Variants in MAP3K2 observed in about 807,000 individuals in gnomAD.
MAP3K2 encodes MAP/ERK kinase kinase 2.
A neutral mutation model predicts 80.3 loss-of-function variants in MAP3K2; 24 were observed. The observed-to-expected ratio is 0.30, with a 90% CI of 0.22 to 0.42. The LOEUF is 0.42. Ranked by LOEUF, MAP3K2 falls within the 10% of genes least tolerant of loss-of-function variation. MAP3K2 has a pLI of 1.00. For missense variants in MAP3K2, 608 were observed against 750.1 expected (o/e 0.81, Z 2.21); for synonymous variants, 244 against 253.7 (o/e 0.96, Z 0.36).
At position 127,307,912 on chromosome 2, in the gene MAP3K2, CTT is replaced by C. The variant is rs1685733327; in HGVS notation, c.1635-110_1635-109del. ...TAAGTCCATATATATTTAAATATGACTTAATTTCAAGTTCAAAGTTTCATTAA... is the reference window on the plus strand; with the variant it reads ...TAAGTCCATATATATTTAAATATGACAATTTCAAGTTCAAAGTTTCATTAA... On this transcript the variant is annotated intron_variant, in intron 16 of 16. Coordinates refer to ENST00000682094, the MANE Select transcript of MAP3K2 (RefSeq NM_001371910.2). The surrounding 1 kb of genome is among the most constrained non-coding windows in gnomAD (Gnocchi z 5.4). 4.6e-6 allele frequency: 3 copies of C among 651,478 alleles called. No homozygotes were observed. The highest frequency in any genetic ancestry group is 1.8e-5 in the African/African-American group (1 of 55,106). The allele number at this position is 651,478 out of a possible 1,614,324, so 40.4% of individuals were successfully genotyped here. A position where few individuals can be genotyped will look rare whatever the true frequency, so the allele number is the denominator to read the frequency against.
At chr2:127,328,332 A>T (rs909436385) in intron 7 of MAP3K2, among the ~76,000 whole-genome samples, 4 of 152,232 alleles carry the variant, frequency 2.6e-5, no homozygotes, top group African/African-American at 9.6e-5. Context: ...AAGTACCGTA[A>T]TGTGATAAGA....
intron 1 of MAP3K2, among the ~76,000 whole-genome samples, chr2:127,380,115 T>C (rs928065115): frequency 6.6e-6 from 1 of 152,204 alleles, no homozygotes; most frequent in Non-Finnish European, 1.5e-5. Context: ...CATCACCTTT[T>C]AAGTAATCTT....
At chr2:127,332,195 CA>C (rs1686272992) in intron 5 of MAP3K2, among the ~76,000 whole-genome samples, 1 of 152,192 alleles carries the variant, frequency 6.6e-6, no homozygotes. Context: ...AATTATGAAA[CA>C]TATTGGTATA....
At chr2:127,349,024 G>C (rs1686644889) in intron 1 of MAP3K2, among the ~76,000 whole-genome samples, 1 of 152,112 alleles carries the variant, frequency 6.6e-6, no homozygotes, top group Non-Finnish European at 1.5e-5. Flanking sequence ...CTGCCATTTT[G>C]TAAGCACTGA....
chr2:127,306,125 CAGT>C lies in MAP3K2; in HGVS notation c.*1451_*1453del, dbSNP rs1377033837. On this transcript the variant is annotated 3_prime_UTR_variant, in exon 17 of 17. Coordinates refer to ENST00000682094, the MANE Select transcript of MAP3K2 (RefSeq NM_001371910.2). The surrounding 1 kb of genome is among the most constrained non-coding windows in gnomAD (Gnocchi z 4.7). ...ATTATTCACCCTTGACTTAAAGCAG[CAGT>C]ATCTGATCTTGTAAAATCCTCAATT... 1 of 152,130 alleles carries C rather than the reference CAGT, an allele frequency of 6.6e-6. No homozygotes were observed. Among genetic ancestry groups the C allele is most frequent in the Non-Finnish European group, 1.5e-5 (1 of 68,004 alleles). 9.4% of individuals were successfully genotyped at this position (152,130 alleles called of 1,614,324 possible).
intron 1 of MAP3K2, 79 bp from the exon 2 acceptor site, chr2:127,343,273 T>A: frequency 3.3e-6 from 2 of 605,172 alleles, no homozygotes; most frequent in Non-Finnish European, 5.9e-6. Context: ...AAAGTCAGTT[T>A]AAATAATACT....
intron 11 of MAP3K2, among the ~76,000 whole-genome samples, chr2:127,323,620 GA>G (rs1206767239): frequency 3.9e-5 from 6 of 151,986 alleles, no homozygotes; most frequent in Non-Finnish European, 7.4e-5. Context: ...TTGAGCCCAG[GA>G]ATTTAAAGTT....
intron 14 of MAP3K2, among the ~76,000 whole-genome samples, chr2:127,317,283 T>G (rs1381669288): frequency 6.6e-6 from 1 of 152,122 alleles, no homozygotes; most frequent in Non-Finnish European, 1.5e-5. Flanking sequence ...AAAAATTGTT[T>G]AAGAAGAGAG....
In MAP3K2 at chr2:127,387,635, CTT is replaced by C. The variant is rs1687394584; in HGVS notation, c.-251_-250del. ...GGGCCTTGGGGCCAGGCCCGTCCCT[CTT>C]TCACATGAAGCCCGGGCCGGGCGGG... On this transcript the variant is annotated 5_prime_UTR_variant, in exon 1 of 17. Transcript: ENST00000682094. The C allele has an allele frequency of 1.0e-6, 1 of 984,950 alleles. No homozygotes were observed. Among genetic ancestry groups the C allele is most frequent in the African/African-American group, 1.7e-5 (1 of 57,174 alleles). The allele number at this position is 984,950 out of a possible 1,614,324, so 61.0% of individuals were successfully genotyped here. A position where few individuals can be genotyped will look rare whatever the true frequency, so the allele number is the denominator to read the frequency against.
intron 1 of MAP3K2, among the ~76,000 whole-genome samples, chr2:127,381,029 CCTT>C (rs1411127974): frequency 6.6e-6 from 1 of 152,182 alleles, no homozygotes; most frequent in East Asian, 1.9e-4. Context: ...AAAAATTTAT[CCTT>C]CTTTTTTTCC....
intron 15 of MAP3K2, among the ~76,000 whole-genome samples, chr2:127,314,471 A>G (rs1685863579): frequency 6.6e-6 from 1 of 152,164 alleles, no homozygotes; most frequent in Non-Finnish European, 1.5e-5. Flanking sequence ...CTCTTAGCCA[A>G]TCTATCCTAA....
intron 3 of MAP3K2, among the ~76,000 whole-genome samples, chr2:127,338,115 T>C (rs139750852): frequency 1.3e-5 from 2 of 152,308 alleles, no homozygotes; most frequent in African/African-American, 4.8e-5. Flanking sequence ...ACTAATTTCA[T>C]TTATCAGAAT....
At chr2:127,376,535 A>G (rs903147920) in intron 1 of MAP3K2, among the ~76,000 whole-genome samples, 5 of 152,164 alleles carry the variant, frequency 3.3e-5, no homozygotes, top group African/African-American at 9.7e-5. Context: ...TTGTTCATCC[A>G]TCATTCAGCC....
chr2:127,386,458 A>G (rs1687348710), intron 1 of MAP3K2, among the ~76,000 whole-genome samples: 4 of 152,260 alleles, frequency 2.6e-5, no homozygotes, highest in Admixed American at 2.6e-4. Flanking sequence ...ATTGCCACAT[A>G]ATCCAGCAAC....
At chr2:127,369,899 G>C (rs1261107193) in intron 1 of MAP3K2, among the ~76,000 whole-genome samples, 1 of 152,146 alleles carries the variant, frequency 6.6e-6, no homozygotes, top group African/African-American at 2.4e-5. Context: ...CAGGGTGGTG[G>C]GAAAAATTGT....
intron 1 of MAP3K2, among the ~76,000 whole-genome samples, chr2:127,382,360 G>T (rs1208944530): frequency 1.3e-5 from 2 of 151,942 alleles, no homozygotes; most frequent in African/African-American, 4.8e-5. Context: ...TCATTTTATT[G>T]AGCTTCATTT....
At chr2:127,333,229 T>A (rs1686294063) in intron 5 of MAP3K2, among the ~76,000 whole-genome samples, 1 of 149,044 alleles carries the variant, frequency 6.7e-6, no homozygotes, top group South Asian at 2.1e-4. Flanking sequence ...CCAACCCCCA[T>A]GACACACACA....
Position 127,334,642 on chromosome 2 carries a change from C to T in MAP3K2, c.264+1228G>A, listed in dbSNP as rs148675671. Among the ~76,000 whole-genome samples, 275 of 152,224 alleles carry T rather than the reference C, an allele frequency of 1.8e-3. 1 individual carries two copies. The highest frequency in any genetic ancestry group is 6.4e-3 in the African/African-American group (265 of 41,512). ...ACTTTTTTGTAGAGATGGAGTCTGG[C>T]TATGTTGCCTAGGCTAGTCTTGAAC... On this transcript the variant is annotated intron_variant, in intron 5 of 16. Transcript: ENST00000682094.
chr2:127,329,820 ATAT>A, intron 7 of MAP3K2, 98 bp downstream of exon 7: 4 of 681,452 alleles, frequency 5.9e-6, no homozygotes, highest in Non-Finnish European at 2.6e-6. Flanking sequence ...GAGAAATAAA[ATAT>A]TATTTATCAG....
Sources: gnomAD v4.1 joint callset for allele counts (sites outside exome capture counted in the v4.1 genomes callset) on GRCh38, gnomAD v4.1.1 for gene constraint, Gnocchi (gnomAD v3.1) non-coding constraint, MANE v1.5 for transcripts, NCBI Gene and HGNC (gene_info 2026-07-23, HGNC 2026-07-21) for gene names.